Variants in LPL observed in about 807,000 individuals in gnomAD.
LPL encodes the protein phospholipase A1.
A neutral mutation model predicts 52.2 loss-of-function variants in LPL; 43 were observed. The ratio of observed to expected loss-of-function variants is 0.82; its 90% CI spans 0.64 to 1.06. The LOEUF is 1.06. LPL is among the 50% of genes least tolerant of loss of function. The pLI is 0.00. For synonymous variants in LPL, 244 were observed against 215.6 expected, an observed-to-expected ratio of 1.13 and a Z score of -1.15; for missense variants, 639 against 585.3, an observed-to-expected ratio of 1.09 and a Z score of -0.95.
intron 1 of LPL, among the ~76,000 whole-genome samples, chr8:19,947,766 G>A (rs73667468): frequency 2.0e-5 from 3 of 149,330 alleles, no homozygotes; most frequent in East Asian, 2.0e-4. Context: ...CTGAGAGACC[G>A]GGCTCTGATC....
At chr8:19,951,162 T>C (rs1196878455) in intron 2 of LPL, among the ~76,000 whole-genome samples, 2 of 152,290 alleles carry the variant, frequency 1.3e-5, no homozygotes, top group East Asian at 3.9e-4. Flanking sequence ...TCCCAGCAGG[T>C]TGCTTAGACA....
intron 9 of LPL, among the ~76,000 whole-genome samples, chr8:19,964,620 C>T (rs2070069582): frequency 6.6e-6 from 1 of 152,138 alleles, no homozygotes; most frequent in Non-Finnish European, 1.5e-5. Flanking sequence ...ACTCTGCCTC[C>T]CGGGTTCAAG....
intron 8 of LPL, among the ~76,000 whole-genome samples, 175 bp downstream of exon 8, chr8:19,961,258 G>A (rs937158025): frequency 8.3e-6 from 1 of 120,736 alleles, no homozygotes; most frequent in Non-Finnish European, 1.7e-5. Flanking sequence ...TTTTTGGGGG[G>A]CAGGGGGGGG....
chr8:19,947,776 C>T (rs2069894955), intron 1 of LPL, among the ~76,000 whole-genome samples: 1 of 151,404 alleles, frequency 6.6e-6, no homozygotes. Context: ...GGGCTCTGAT[C>T]CTCACCCTCC....
chr8:19,954,265 T>A lies in LPL; in HGVS notation c.687T>A (p.His229Gln). Reference protein sequence around the residue: ...RSIGIQKPVGHVDIYPNGGTF... With the variant: ...RSIGIQKPVGQVDIYPNGGTF... Reference sequence around the variant, plus strand: ...TTGGAATCCAGAAACCAGTTGGGCATGTTGACATTTACCCGAATGGAGGTA... The same window carrying A: ...TTGGAATCCAGAAACCAGTTGGGCAAGTTGACATTTACCCGAATGGAGGTA... The change falls in exon 5 of 10, where the codon CAT (histidine) becomes CAA (glutamine). Residue 229 changes from histidine (H) to glutamine (Q), a missense_variant. Physicochemically the swap from His to Gln is conservative, Grantham distance 24. Coordinates refer to ENST00000650287, the MANE Select transcript of LPL (RefSeq NM_000237.3). The A allele has an allele frequency of 1.2e-6, 2 of 1,614,174 alleles. No individual in the cohort carries two copies. The highest frequency in any genetic ancestry group is 2.2e-5 in the South Asian group (2 of 91,084).
chr8:19,948,321 T>C lies in LPL; in HGVS notation c.230T>C (p.Met77Thr). The C allele has an allele frequency of 1.2e-6, 2 of 1,613,952 alleles. No individual in the cohort carries two copies. Among genetic ancestry groups the C allele is most frequent in the South Asian group, 1.1e-5 (1 of 91,066 alleles). The change falls in exon 2 of 10, where the codon ATG becomes ACG. Residue 77 changes from methionine to threonine, a missense_variant. Transcript: ENST00000650287. ...TTCAATCACAGCAGCAAAACCTTCA[T>C]GGTGATCCATGGCTGGACGGTAAGG... The part of the protein sequence containing the change: ...CHFNHSSKTF[M>T]VIHGWTVTGM...
At chr8:19,964,253 T>C (rs567285052) in intron 9 of LPL, among the ~76,000 whole-genome samples, 43 of 152,248 alleles carry the variant, frequency 2.8e-4, no homozygotes, top group African/African-American at 1.0e-3. Flanking sequence ...CACCCGGCCC[T>C]AGATGCAGTT....
At chr8:19,960,174 C>A (rs150325518) in intron 7 of LPL, among the ~76,000 whole-genome samples, 2 of 152,218 alleles carry the variant, frequency 1.3e-5, no homozygotes, top group Admixed American at 1.3e-4. Context: ...TAAAAATAGC[C>A]AGTGCAGACA....
chr8:19,952,116 A>T (rs373932223), intron 3 of LPL, among the ~76,000 whole-genome samples, 168 bp downstream of exon 3: 10 of 152,182 alleles, frequency 6.6e-5, no homozygotes, highest in African/African-American at 1.9e-4. Flanking sequence ...CAACATTTTG[A>T]TAAGAATAGA....
intron 3 of LPL, among the ~76,000 whole-genome samples, 174 bp downstream of exon 3, chr8:19,952,122 A>G (rs1173407580): frequency 6.6e-6 from 1 of 152,220 alleles, no homozygotes; most frequent in Non-Finnish European, 1.5e-5. Context: ...TTTGATAAGA[A>G]TAGACTATAA....
chr8:19,958,575 A>G (rs868180199), intron 6 of LPL, among the ~76,000 whole-genome samples: 3 of 151,672 alleles, frequency 2.0e-5, no homozygotes, highest in Non-Finnish European at 4.4e-5. Flanking sequence ...TTTAAAAAAA[A>G]TTTTATTTAT....
Position 19,966,238 on chromosome 8 carries a change from C to G in LPL, c.*928C>G, listed in dbSNP as rs1184547680. 1 of 152,118 alleles carries G rather than the reference C, an allele frequency of 6.6e-6. No homozygotes were observed. Among genetic ancestry groups the G allele is most frequent in the African/African-American group, 2.4e-5 (1 of 41,430 alleles). 9.4% of individuals were successfully genotyped at this position (152,118 alleles called of 1,614,324 possible). A position where few individuals can be genotyped will look rare whatever the true frequency, so the allele number is the denominator to read the frequency against. ...CAGTTTTAGGCTTACCTTGGTCATG[C>G]TTCAGTTGTACTTCCAGTGCGTCTC... On this transcript the variant is annotated 3_prime_UTR_variant, in exon 10 of 10. Transcript: ENST00000650287.
Position 19,939,347 on chromosome 8 carries a change from C to A in LPL, c.-94C>A. The stretch of plus-strand genomic sequence containing the variant: ...CCTTTAAAGGGCGACTTGCTCAGCG[C>A]CAAACCGCGGCTCCAGCCCTCTCCA... On this transcript the variant is annotated 5_prime_UTR_variant, in exon 1 of 10. Transcript: ENST00000650287. This position sits in a 1 kb window ranked among gnomAD's most constrained non-coding sequence, Gnocchi z 4.0. 7.9e-7 allele frequency: 1 copy of A among 1,273,708 alleles called. No homozygotes were observed. The highest frequency in any genetic ancestry group is 1.1e-6 in the Non-Finnish European group (1 of 903,136). 78.9% of individuals were successfully genotyped at this position (1,273,708 alleles called of 1,614,324 possible).
Position 19,955,922 on chromosome 8 carries a change from G to C in LPL, c.857G>C (p.Ser286Thr). The C allele has an allele frequency of 6.2e-7, 1 of 1,614,170 alleles. No homozygotes were observed. ...TCTCTGTTGAATGAAGAAAATCCAA[G>C]TAAGGCCTACAGGTGCAGTTCCAAG... ...IDSLLNEENP[S>T]KAYRCSSKEA... The change falls in exon 6 of 10, where the codon AGT (serine) becomes ACT (threonine). Residue 286 changes from serine to threonine, a missense_variant. Ser to Thr is a moderately conservative substitution (Grantham distance 58, BLOSUM62 1). Coordinates refer to ENST00000650287, the MANE Select transcript of LPL (RefSeq NM_000237.3).
rs1327470845 is a variant in LPL at position 19,939,577 on chromosome 8, C to T, written c.88+49C>T. On this transcript the variant is annotated intron_variant, in intron 1 of 9. Transcript: ENST00000650287. This position sits in a 1 kb window ranked among gnomAD's most constrained non-coding sequence, Gnocchi z 4.0. ...CTCCACCTGCAGACCCGGCGGGTGG[C>T]CACTGCCACCCGAACTGAGGATGAG... 3.3e-6 allele frequency: 5 copies of T among 1,528,168 alleles called. No individual in the cohort carries two copies. The South Asian group carries it at 3.5e-5, about 11-fold the overall frequency. The allele number at this position is 1,528,168 out of a possible 1,614,324, so 94.7% of individuals were successfully genotyped here.
chr8:19,958,640 A>G (rs1478810597), intron 6 of LPL, among the ~76,000 whole-genome samples: 2 of 152,176 alleles, frequency 1.3e-5, no homozygotes, highest in Admixed American at 6.5e-5. Context: ...TAAGTTCTTT[A>G]GTAGTGATTT....
At chr8:19,957,953 A>G (rs2070001618) in intron 6 of LPL, among the ~76,000 whole-genome samples, 1 of 151,844 alleles carries the variant, frequency 6.6e-6, no homozygotes, top group South Asian at 2.1e-4. Flanking sequence ...GACCAAGGAT[A>G]GTGGGATATA....
At chr8:19,947,057 G>A (rs982235644) in intron 1 of LPL, among the ~76,000 whole-genome samples, 4 of 152,108 alleles carry the variant, frequency 2.6e-5, no homozygotes, top group African/African-American at 9.7e-5. Flanking sequence ...AATTAACCAT[G>A]GCTGATACAT....
At chr8:19,948,518 T>TC in intron 2 of LPL, 178 bp downstream of exon 2, 1 of 686,146 alleles carries the variant, frequency 1.5e-6, no homozygotes, top group Non-Finnish European at 2.4e-6. Flanking sequence ...TCATGAGAAC[T>TC]CCCCCTAGGC....
Sources: gnomAD v4.1 joint callset for allele counts (sites outside exome capture counted in the v4.1 genomes callset) on GRCh38, gnomAD v4.1.1 for gene constraint, Gnocchi (gnomAD v3.1) non-coding constraint, MANE v1.5 for transcripts, NCBI Gene and HGNC (gene_info 2026-07-23, HGNC 2026-07-21) for gene names.